The following SMNDC1 variants were observed in gnomAD, a reference collection of about 807,000 sequenced individuals.
SMNDC1 encodes the protein survival motor neuron domain containing 1.
A neutral mutation model predicts 29.2 loss-of-function variants in SMNDC1; 5 were observed. The ratio of observed to expected loss-of-function variants is 0.17; its 90% CI spans 0.09 to 0.36. SMNDC1 has a LOEUF of 0.36. SMNDC1 is among the 10% of genes least tolerant of loss of function. The pLI is 1.00. For missense variants in SMNDC1, 142 were observed against 268.5 expected, an observed-to-expected ratio of 0.53 and a Z score of 3.29; for synonymous variants, 80 against 89.9, an observed-to-expected ratio of 0.89 and a Z score of 0.62.
intron 4 of SMNDC1, 112 bp downstream of exon 4, chr10:110,297,455 C>T (rs769435566): frequency 8.2e-6 from 8 of 975,776 alleles, no homozygotes; most frequent in Non-Finnish European, 1.2e-5. Flanking sequence ...ATCTTCAAAA[C>T]AACGGTAAAA....
At position 110,291,437 on chromosome 10, in the gene SMNDC1, G is replaced by A. The variant is rs984572474; in HGVS notation, c.*2713C>T. On this transcript the variant is annotated 3_prime_UTR_variant, in exon 6 of 6. Coordinates refer to ENST00000369603, the MANE Select transcript of SMNDC1 (RefSeq NM_005871.4). ...TTCAATAATACAGTTATAATTGGAT[G>A]CCTCAAATCATAAACAATGGGTATT... 2.6e-5 allele frequency: 4 copies of A among 152,182 alleles called. No individual in the cohort carries two copies. Among genetic ancestry groups the A allele is most frequent in the African/African-American group, 9.7e-5 (4 of 41,442 alleles). The allele number at this position is 152,182 out of a possible 1,614,324, so 9.4% of individuals were successfully genotyped here. A position where few individuals can be genotyped will look rare whatever the true frequency, so the allele number is the denominator to read the frequency against.
At position 110,293,557 on chromosome 10, in the gene SMNDC1, G is replaced by A. The variant is rs1315998863; in HGVS notation, c.*593C>T. 6.6e-6 allele frequency: 1 copy of A among 152,108 alleles called. No individual in the cohort carries two copies. The highest frequency in any genetic ancestry group is 6.5e-5 in the Admixed American group (1 of 15,268). 9.4% of individuals were successfully genotyped at this position (152,108 alleles called of 1,614,324 possible). ...CCTAAGGTTTCTTACATAAAACTAAGAGTACATAAAAATAAAACAGCTAGA... is the reference window on the plus strand; with the variant it reads ...CCTAAGGTTTCTTACATAAAACTAAAAGTACATAAAAATAAAACAGCTAGA... On this transcript the variant is annotated 3_prime_UTR_variant, in exon 6 of 6. Coordinates refer to ENST00000369603, the MANE Select transcript of SMNDC1 (RefSeq NM_005871.4).
chr10:110,294,314 C>T, intron 5 of SMNDC1, 27 bp from the exon 6 acceptor site: 2 of 1,546,118 alleles, frequency 1.3e-6, no homozygotes, highest in East Asian at 2.4e-5. Flanking sequence ...AGAAATCATT[C>T]CTGATTAGTG....
intron 4 of SMNDC1, among the ~76,000 whole-genome samples, chr10:110,295,776 G>C (rs1345992944): frequency 6.6e-6 from 1 of 151,960 alleles, no homozygotes; most frequent in East Asian, 1.9e-4. Flanking sequence ...CAAGTAGCTG[G>C]GACTACAGGC....
At position 110,297,549 on chromosome 10, in the gene SMNDC1, A is replaced by G; in HGVS notation, c.425+18T>C. The G allele has an allele frequency of 6.2e-7, 1 of 1,608,120 alleles. No individual in the cohort carries two copies. The highest frequency in any genetic ancestry group is 8.5e-7 in the Non-Finnish European group (1 of 1,176,982). ...TGGGGAAGATTGCACCTAAAATGGA[A>G]AAGTCAAAGTCACTTACTTTGACAT... On this transcript the variant is annotated intron_variant, in intron 4 of 5. Transcript: ENST00000369603.
In SMNDC1 at chr10:110,295,500, A is replaced by G. The variant is rs376575495; in HGVS notation, c.426-119T>C. On this transcript the variant is annotated intron_variant, in intron 4 of 5. Transcript: ENST00000369603. ...AAACATATACAATGGTCTATGAATA[A>G]AAAGTACTAAATCATTAAAATCAGT... 292 of 643,764 alleles carry G rather than the reference A, an allele frequency of 4.5e-4. No homozygotes were observed. In the African/African-American group the frequency reaches 5.0e-3, roughly 11 times the overall value. 39.9% of individuals were successfully genotyped at this position (643,764 alleles called of 1,614,324 possible). A position where few individuals can be genotyped will look rare whatever the true frequency, so the allele number is the denominator to read the frequency against.
In SMNDC1 at chr10:110,303,692, CCTT is replaced by C. The variant is rs560014355; in HGVS notation, c.1-108_1-106del. On this transcript the variant is annotated intron_variant, in intron 1 of 5. Coordinates refer to ENST00000369603, the MANE Select transcript of SMNDC1 (RefSeq NM_005871.4). ...GAATTACCAGTTTTTGCCTCTAACT[CCTT>C]CTAACACTGCAGCTTAATTTACCAC... The C allele has an allele frequency of 5.2e-4, 533 of 1,029,500 alleles. 1 individual carries two copies. The African/African-American group carries it at 5.9e-3, about 11-fold the overall frequency. 63.8% of individuals were successfully genotyped at this position (1,029,500 alleles called of 1,614,324 possible). A position where few individuals can be genotyped will look rare whatever the true frequency, so the allele number is the denominator to read the frequency against.
In SMNDC1 at chr10:110,295,234, T is replaced by C; in HGVS notation, c.573A>G (p.Lys191=). 1 of 1,588,692 alleles carries C rather than the reference T, an allele frequency of 6.3e-7. No individual in the cohort carries two copies. The highest frequency in any genetic ancestry group is 2.3e-5 in the East Asian group (1 of 44,354). ...TGTAAAAAGATTTACCAACCTGGCC[T>C]TTTTTGTTTTTAGAATAGGCTCTGT... ...FNNRAYSKNK[K]GQVKRSIFAS... Residue 191 remains lysine (K), a synonymous_variant, in exon 5 of 6, where the codon AAA becomes AAG. Coordinates refer to ENST00000369603, the MANE Select transcript of SMNDC1 (RefSeq NM_005871.4).
rs891649472 is a variant in SMNDC1, at chr10:110,297,459, G to A, written c.425+108C>T. 31 of 1,006,100 alleles carry A rather than the reference G, an allele frequency of 3.1e-5. No individual in the cohort carries two copies. The Admixed American group carries it at 3.3e-4, about 11-fold the overall frequency. 62.3% of individuals were successfully genotyped at this position (1,006,100 alleles called of 1,614,324 possible). A position where few individuals can be genotyped will look rare whatever the true frequency, so the allele number is the denominator to read the frequency against. Reference sequence around the variant, plus strand: ...CTTTGTTGCTAATCTTCAAAACAACGGTAAAACAGTATTACAACTTTCTTA... The same window carrying A: ...CTTTGTTGCTAATCTTCAAAACAACAGTAAAACAGTATTACAACTTTCTTA... On this transcript the variant is annotated intron_variant, in intron 4 of 5. Coordinates refer to ENST00000369603, the MANE Select transcript of SMNDC1 (RefSeq NM_005871.4).
chr10:110,303,079 T>C (rs1409967615), intron 2 of SMNDC1, among the ~76,000 whole-genome samples: 3 of 152,214 alleles, frequency 2.0e-5, no homozygotes, highest in South Asian at 4.1e-4. Flanking sequence ...AAAAGAATCT[T>C]AAGGTTCTAT....
At chr10:110,301,349 C>A (rs528218677) in intron 2 of SMNDC1, among the ~76,000 whole-genome samples, 1 of 152,350 alleles carries the variant, frequency 6.6e-6, no homozygotes, top group South Asian at 2.1e-4. Context: ...TAGCCAAATA[C>A]TTTTCAGAGT....
intron 2 of SMNDC1, among the ~76,000 whole-genome samples, chr10:110,302,352 C>A (rs1857665179): frequency 2.6e-5 from 4 of 152,156 alleles, no homozygotes; most frequent in African/African-American, 9.7e-5. Context: ...GGGTCTTGTT[C>A]ATATTGAAAT....
intron 2 of SMNDC1, among the ~76,000 whole-genome samples, chr10:110,299,910 A>G: frequency 6.6e-6 from 1 of 152,236 alleles, no homozygotes; most frequent in Non-Finnish European, 1.5e-5. Flanking sequence ...ATAAATAAAT[A>G]GAACACTTAG....
chr10:110,297,480 T>C, intron 4 of SMNDC1, 87 bp downstream of exon 4: 1 of 1,237,532 alleles, frequency 8.1e-7, no homozygotes. Flanking sequence ...ATTACAACTT[T>C]CTTATGCATA....
At chr10:110,295,951 ACTTT>A (rs1187782611) in intron 4 of SMNDC1, among the ~76,000 whole-genome samples, 1 of 152,102 alleles carries the variant, frequency 6.6e-6, no homozygotes, top group Non-Finnish European at 1.5e-5. Flanking sequence ...CTTAATTATG[ACTTT>A]CTATTTTACT....
At chr10:110,303,687 T>C in intron 1 of SMNDC1, 100 bp from the exon 2 acceptor site, 1 of 1,068,676 alleles carries the variant, frequency 9.4e-7, no homozygotes, top group Non-Finnish European at 1.3e-6. Flanking sequence ...TTTTTGCCTC[T>C]AACTCCTTCT....
intron 5 of SMNDC1, 96 bp downstream of exon 5, chr10:110,295,132 A>G (rs1468392559): frequency 9.3e-6 from 11 of 1,176,970 alleles, no homozygotes. Context: ...TGAGTTAATC[A>G]TACTTTACAA....
At chr10:110,294,562 C>T (rs898429768) in intron 5 of SMNDC1, among the ~76,000 whole-genome samples, 1 of 152,148 alleles carries the variant, frequency 6.6e-6, no homozygotes, top group Non-Finnish European at 1.5e-5. Context: ...AAACGCAAAT[C>T]CTAACTTCAG....
At chr10:110,301,064 A>G (rs183002537) in intron 2 of SMNDC1, among the ~76,000 whole-genome samples, 4 of 152,266 alleles carry the variant, frequency 2.6e-5, no homozygotes, top group African/African-American at 9.6e-5. Context: ...GGGCAAACAA[A>G]TTAATAACTG....
Sources: gnomAD v4.1 joint callset for allele counts (sites outside exome capture counted in the v4.1 genomes callset) on GRCh38, gnomAD v4.1.1 for gene constraint, MANE v1.5 for transcripts, NCBI Gene and HGNC (gene_info 2026-07-23, HGNC 2026-07-21) for gene names.